Variants in MAD1L1 observed in about 807,000 individuals in gnomAD.
MAD1L1 encodes the protein mitotic arrest deficient 1 like 1, also known as mitotic spindle assembly checkpoint protein MAD1.
MAD1L1 carries 95 observed loss-of-function variants against 96.9 expected under a neutral mutation model. The observed-to-expected ratio is 0.98, with a 90% CI of 0.83 to 1.16. The LOEUF is 1.16. Ranked by LOEUF, MAD1L1 falls within the 50% of genes most tolerant of loss-of-function variation. MAD1L1 has a pLI of 0.00. For synonymous variants in MAD1L1, 473 were observed against 396.6 expected, an observed-to-expected ratio of 1.19 and a Z score of -2.29; for missense variants, 1,007 against 954.4, an observed-to-expected ratio of 1.06 and a Z score of -0.73.
chr7:1,899,253 C>T (rs907720048), intron 17 of MAD1L1, among the ~76,000 whole-genome samples: 5 of 152,228 alleles, frequency 3.3e-5, no homozygotes, highest in African/African-American at 4.8e-5. Flanking sequence ...AGTTAAACCT[C>T]GATTTATCCC....
chr7:1,935,341 C>A (rs1778534754), intron 17 of MAD1L1, among the ~76,000 whole-genome samples: 1 of 152,230 alleles, frequency 6.6e-6, no homozygotes, highest in African/African-American at 2.4e-5. Flanking sequence ...AGGTGGGGAG[C>A]TGGAAAGGAG....
chr7:2,055,086 GAC>G (rs1383820696), intron 12 of MAD1L1, among the ~76,000 whole-genome samples: 1 of 152,228 alleles, frequency 6.6e-6, no homozygotes, highest in Non-Finnish European at 1.5e-5. Context: ...GGGCAGCAGA[GAC>G]AGAGGAAGCG....
At chr7:2,104,423 G>A (rs575284678) in intron 11 of MAD1L1, among the ~76,000 whole-genome samples, 1 of 152,266 alleles carries the variant, frequency 6.6e-6, no homozygotes, top group Non-Finnish European at 1.5e-5. Context: ...GAGGCGGCCT[G>A]TTGCGTCAGA....
intron 13 of MAD1L1, among the ~76,000 whole-genome samples, chr7:2,014,298 G>C (rs906004840): frequency 6.6e-6 from 1 of 152,168 alleles, no homozygotes; most frequent in South Asian, 2.1e-4. Flanking sequence ...GACAGCGGAG[G>C]ATGCTGCAGG....
At chr7:1,907,329 G>C (rs147188780) in intron 17 of MAD1L1, among the ~76,000 whole-genome samples, 3 of 152,232 alleles carry the variant, frequency 2.0e-5, no homozygotes, top group Non-Finnish European at 4.4e-5. Context: ...AGCAACTCTC[G>C]ATTTAGGGAC....
At chr7:1,846,937 G>A in intron 18 of MAD1L1, 2 of 318,980 alleles carry the variant, frequency 6.3e-6, no homozygotes, top group Non-Finnish European at 1.2e-5. Flanking sequence ...GGTATCACGG[G>A]AGGTTCTTCA....
chr7:2,181,336 C>T (rs1043383489), intron 10 of MAD1L1, among the ~76,000 whole-genome samples: 2 of 152,232 alleles, frequency 1.3e-5, no homozygotes, highest in Admixed American at 1.3e-4. Flanking sequence ...CTTTTCTGAA[C>T]TAATTCTGTA....
chr7:1,882,752 C>A (rs905272648), intron 18 of MAD1L1, among the ~76,000 whole-genome samples: 4 of 152,246 alleles, frequency 2.6e-5, no homozygotes, highest in African/African-American at 7.2e-5. Context: ...CCCTCGCCCC[C>A]CTTCCCACCG....
intron 18 of MAD1L1, among the ~76,000 whole-genome samples, chr7:1,842,500 G>A (rs551333367): frequency 1.1e-3 from 174 of 152,378 alleles, no homozygotes; most frequent in Non-Finnish European, 1.8e-3. Flanking sequence ...AATCCCTTCC[G>A]GCGCATGCCT....
At chr7:1,956,821 A>C (rs1217006907) in intron 16 of MAD1L1, among the ~76,000 whole-genome samples, 1 of 152,184 alleles carries the variant, frequency 6.6e-6, no homozygotes. Context: ...CACCTCATTC[A>C]AGCCTCAACA....
At chr7:1,916,641 T>TGCCCA (rs1430348447) in intron 17 of MAD1L1, among the ~76,000 whole-genome samples, 1 of 152,134 alleles carries the variant, frequency 6.6e-6, no homozygotes, top group Non-Finnish European at 1.5e-5. Context: ...AGTCAGCAGC[T>TGCCCA]GCCCAGGCCA....
At chr7:1,857,991 G>A (rs1784341105) in intron 18 of MAD1L1, among the ~76,000 whole-genome samples, 1 of 152,228 alleles carries the variant, frequency 6.6e-6, no homozygotes, top group South Asian at 2.1e-4. Flanking sequence ...GGCAACCGCT[G>A]TCCACAGAGC....
chr7:2,057,495 C>G (rs970098297), intron 12 of MAD1L1, among the ~76,000 whole-genome samples: 1 of 152,154 alleles, frequency 6.6e-6, no homozygotes, highest in Admixed American at 6.5e-5. Flanking sequence ...GCCTGGACAT[C>G]AGAACAAGAC....
chr7:2,009,226 G>A (rs896023179), intron 13 of MAD1L1, among the ~76,000 whole-genome samples: 2 of 152,190 alleles, frequency 1.3e-5, no homozygotes, highest in Non-Finnish European at 2.9e-5. Context: ...TTATCCTGAG[G>A]TGAGAAGTTG....
At chr7:2,090,925 C>T (rs1384486913) in intron 11 of MAD1L1, among the ~76,000 whole-genome samples, 1 of 152,238 alleles carries the variant, frequency 6.6e-6, no homozygotes, top group East Asian at 1.9e-4. Context: ...CAGAGAACTA[C>T]ATCCATTTTA....
chr7:2,111,763 G>T (rs1558465), intron 11 of MAD1L1, among the ~76,000 whole-genome samples: 1 of 152,106 alleles, frequency 6.6e-6, no homozygotes, highest in Non-Finnish European at 1.5e-5. Context: ...TGGCCCAGCA[G>T]GAGCAGGCCT....
At chr7:2,063,174 A>T (rs184516578) in intron 12 of MAD1L1, among the ~76,000 whole-genome samples, 118 of 152,248 alleles carry the variant, frequency 7.8e-4, no homozygotes, top group Non-Finnish European at 1.3e-3. Flanking sequence ...GTTCTATATG[A>T]TCTTTGCACA....
chr7:2,222,513 CAA>C (rs2115010242), intron 5 of MAD1L1, 60 bp downstream of exon 5: 1 of 1,446,132 alleles, frequency 6.9e-7, no homozygotes, highest in East Asian at 2.5e-5. Context: ...CAGTGGCAAA[CAA>C]GAGCATGCAC....
At chr7:1,909,692 T>G (rs73048162) in intron 17 of MAD1L1, among the ~76,000 whole-genome samples, 1 of 151,996 alleles carries the variant, frequency 6.6e-6, no homozygotes, top group Non-Finnish European at 1.5e-5. Flanking sequence ...GCAGGCATCA[T>G]GGTCCCCAGG....
Sources: gnomAD v4.1 joint callset for allele counts (sites outside exome capture counted in the v4.1 genomes callset) on GRCh38, gnomAD v4.1.1 for gene constraint, MANE v1.5 for transcripts, NCBI Gene and HGNC (gene_info 2026-07-23, HGNC 2026-07-21) for gene names.